SLC26A6: variants seen among roughly 807,000 people sequenced by gnomAD.
SLC26A6 encodes the protein anion exchange transporter.
SLC26A6 carries 67 observed loss-of-function variants against 87.1 expected under a neutral mutation model. The ratio of observed to expected loss-of-function variants is 0.77; its 90% confidence interval spans 0.63 to 0.94. The LOEUF is 0.94. Among genes scored for constraint, SLC26A6 ranks in the 40% least tolerant of loss-of-function variants. The pLI is 0.00. For missense variants in SLC26A6, 902 were observed against 973.0 expected, an observed-to-expected ratio of 0.93 and a Z score of 0.97; for synonymous variants, 414 against 405.9, an observed-to-expected ratio of 1.02 and a Z score of -0.24.
In SLC26A6 at chr3:48,628,979, A is replaced by T. The variant is rs2046704414; in HGVS notation, c.1600-265T>A. 6.6e-6 allele frequency among the ~76,000 whole-genome samples: 1 copy of T among 151,762 alleles called. No homozygotes were observed. The highest frequency in any genetic ancestry group is 1.5e-5 in the Non-Finnish European group (1 of 67,968). On this transcript the variant is annotated intron_variant, in intron 14 of 20. Transcript: ENST00000395550. This position sits in a 1 kb window ranked among gnomAD's most constrained non-coding sequence, Gnocchi z 4.4. ...CTCTTAACCTTTCTCTTGGGTTTCC[A>T]ACCCCTGCCTTGTGTTCTGTTTTCT...
In SLC26A6 at chr3:48,635,297, G is replaced by T. The variant is rs969726655; in HGVS notation, c.23+74C>A. 5.3e-6 allele frequency: 8 copies of T among 1,515,636 alleles called. No individual in the cohort carries two copies. In the African/African-American group the frequency reaches 9.7e-5, roughly 18 times the overall value. The allele number at this position is 1,515,636 out of a possible 1,614,324, so 93.9% of individuals were successfully genotyped here. ...AAGCGGAGAATGCCTGCTCCAGCGA[G>T]GCGTCGCAAGCGGAGAATGCCTGCT... On this transcript the variant is annotated intron_variant, in intron 1 of 20. Transcript: ENST00000395550.
At position 48,626,639 on chromosome 3, in the gene SLC26A6, G is replaced by T. The variant is rs755534990; in HGVS notation, c.2120C>A (p.Ala707Asp). 30 of 1,613,994 alleles carry T rather than the reference G, an allele frequency of 1.9e-5. No individual in the cohort carries two copies. Among genetic ancestry groups the T allele is most frequent in the Non-Finnish European group, 2.5e-5 (29 of 1,180,034 alleles). Residue 707 changes from alanine (A) to aspartate (D), a missense_variant, in exon 19 of 21, where the codon GCC becomes GAC. This residue lies in a region of SLC26A6 where 99 missense variants were observed against 100.1 expected (regional missense o/e 0.99). Transcript: ENST00000395550. The part of the protein sequence containing the change: ...REIEVEVYMA[A>D]CHSPVVSQLE... ...GTTCCCACCCTACTCACTGTGGCAG[G>T]CCGCCATGTACACCTCCACCTCAAT...
Position 48,628,300 on chromosome 3 carries a change from G to C in SLC26A6, c.1800+134C>G. 1 of 1,224,144 alleles carries C rather than the reference G, an allele frequency of 8.2e-7. No homozygotes were observed. Among genetic ancestry groups the C allele is most frequent in the South Asian group, 1.4e-5 (1 of 69,966 alleles). 75.8% of individuals were successfully genotyped at this position (1,224,144 alleles called of 1,614,324 possible). Reference sequence around the variant, plus strand: ...CGGACCTGCTAGGGGAGTGAAGCAGGGTCCCTGGGAGCATGAGGGAGAAAG... The same window carrying C: ...CGGACCTGCTAGGGGAGTGAAGCAGCGTCCCTGGGAGCATGAGGGAGAAAG... On this transcript the variant is annotated intron_variant, in intron 16 of 20. Coordinates refer to ENST00000395550, the MANE Select transcript of SLC26A6 (RefSeq NM_022911.3). The surrounding 1 kb of genome is among the most constrained non-coding windows in gnomAD (Gnocchi z 4.4).
At position 48,628,061 on chromosome 3, in the gene SLC26A6, T is replaced by A; in HGVS notation, c.1801-23A>T. 1 of 1,547,136 alleles carries A rather than the reference T, an allele frequency of 6.5e-7. No homozygotes were observed. The highest frequency in any genetic ancestry group is 8.7e-7 in the Non-Finnish European group (1 of 1,150,684). ...AGCCTACACCAGGGAAGACAGGGAATGGGAAACAGCTAGCCCGGCTGCCAT... is the reference window on the plus strand; with the variant it reads ...AGCCTACACCAGGGAAGACAGGGAAAGGGAAACAGCTAGCCCGGCTGCCAT... On this transcript the variant is annotated intron_variant, in intron 16 of 20. Transcript: ENST00000395550. The surrounding 1 kb of genome is among the most constrained non-coding windows in gnomAD (Gnocchi z 4.4).
intron 1 of SLC26A6, among the ~76,000 whole-genome samples, chr3:48,634,979 C>A (rs1246776251): frequency 6.6e-6 from 1 of 152,242 alleles, no homozygotes; most frequent in African/African-American, 2.4e-5. Context: ...AAGGCCGGAG[C>A]GCTCACTCCG....
At chr3:48,632,463 TAAGA>T in intron 4 of SLC26A6, 67 bp from the exon 5 acceptor site, 4 of 1,558,438 alleles carry the variant, frequency 2.6e-6, no homozygotes, top group Non-Finnish European at 3.5e-6. Flanking sequence ...GCCCTGGTCT[TAAGA>T]GAGAGGCCAG....
At position 48,633,486 on chromosome 3, in the gene SLC26A6, G is replaced by T; in HGVS notation, c.173C>A (p.Thr58Asn). ...GSAPRTHQWR[T>N]WLQCSRARAY... ...CCAATCTTGGCCTTACTGCAACCAG[G>T]TCCGCCACTGGTGGGTCCTAGGTGC... Residue 58 changes from threonine (T) to asparagine (N), a missense_variant, in exon 2 of 21, where the codon ACC becomes AAC. Transcript: ENST00000395550. 6.2e-7 allele frequency: 1 copy of T among 1,613,092 alleles called. No individual in the cohort carries two copies. The highest frequency in any genetic ancestry group is 8.5e-7 in the Non-Finnish European group (1 of 1,179,954).
In SLC26A6 at chr3:48,630,077, G is replaced by A. The variant is rs1482329189; in HGVS notation, c.1407C>T (p.Ala469=). Residue 469 remains alanine, a synonymous_variant, in exon 12 of 21, where the codon GCC becomes GCT. Transcript: ENST00000395550. ...GTGCACTCACCAGATCCGCCCGATT[G>A]GCCTTCCAGAGGGAGCGCATGTCGC... ...QLSDMRSLWK[A]NRADLLIWLV... 6.2e-7 allele frequency: 1 copy of A among 1,612,302 alleles called. No individual in the cohort carries two copies. The highest frequency in any genetic ancestry group is 1.3e-5 in the African/African-American group (1 of 75,036).
chr3:48,628,161 G>A lies in SLC26A6; in HGVS notation c.1801-123C>T. On this transcript the variant is annotated intron_variant, in intron 16 of 20. Coordinates refer to ENST00000395550, the MANE Select transcript of SLC26A6 (RefSeq NM_022911.3). This position sits in a 1 kb window ranked among gnomAD's most constrained non-coding sequence, Gnocchi z 4.4. ...GGGTGGGCCAGGACCAGAAGCTGTG[G>A]GACCTGCAGCAGCCAGGCTGAAGCT... 4.3e-6 allele frequency: 4 copies of A among 936,900 alleles called. No homozygotes were observed. The highest frequency in any genetic ancestry group is 6.4e-6 in the Non-Finnish European group (4 of 625,154). 58.0% of individuals were successfully genotyped at this position (936,900 alleles called of 1,614,324 possible).
intron 14 of SLC26A6, among the ~76,000 whole-genome samples, chr3:48,629,363 G>A (rs929880812): frequency 1.3e-5 from 2 of 152,120 alleles, no homozygotes; most frequent in Admixed American, 6.5e-5. Context: ...CTGCCATTCC[G>A]GCTCTCTGAC....
chr3:48,627,663 A>C, intron 17 of SLC26A6: 1 of 306,466 alleles, frequency 3.3e-6, no homozygotes, highest in Non-Finnish European at 6.0e-6. Flanking sequence ...TTTCTCCCAT[A>C]TACCCCATCC....
Position 48,628,685 on chromosome 3 carries a change from G to A in SLC26A6, c.1629C>T (p.Phe543=), listed in dbSNP as rs752303223. Residue 543 remains phenylalanine, a synonymous_variant, in exon 15 of 21, where the codon TTC becomes TTT. Transcript: ENST00000395550. This position sits in a 1 kb window ranked among gnomAD's most constrained non-coding sequence, Gnocchi z 4.4. ...EAKEVRGVKV[F]RSSATVYFAN... ...CAAAGTACACGGTGGCCGAGGAGCGGAAGACCTTCACCCCCCGGACTTCCT... is the reference window on the plus strand; with the variant it reads ...CAAAGTACACGGTGGCCGAGGAGCGAAAGACCTTCACCCCCCGGACTTCCT... 1 of 1,613,480 alleles carries A rather than the reference G, an allele frequency of 6.2e-7. No individual in the cohort carries two copies. Among genetic ancestry groups the A allele is most frequent in the East Asian group, 2.2e-5 (1 of 44,876 alleles).
chr3:48,632,227 C>A lies in SLC26A6; in HGVS notation c.585+18G>T. 1 of 1,582,752 alleles carries A rather than the reference C, an allele frequency of 6.3e-7. No homozygotes were observed. The highest frequency in any genetic ancestry group is 8.6e-7 in the Non-Finnish European group (1 of 1,163,726). ...CAGAAGTGGTGGTGGGGGGCACATA[C>A]TCCTGACTGTTCCACACCTGGAAGA... On this transcript the variant is annotated intron_variant, in intron 5 of 20. Coordinates refer to ENST00000395550, the MANE Select transcript of SLC26A6 (RefSeq NM_022911.3).
intron 4 of SLC26A6, 76 bp downstream of exon 4, chr3:48,632,898 G>A: frequency 7.0e-7 from 1 of 1,420,036 alleles, no homozygotes; most frequent in East Asian, 2.3e-5. Context: ...CTCCTGCCCT[G>A]CTCAGTGCCC....
rs141959192 is a variant in SLC26A6 at position 48,625,911 on chromosome 3, C to T, written c.*75G>A. 25,586 of 1,596,128 alleles carry T rather than the reference C, an allele frequency of 0.016. 265 individuals are homozygous for T. The highest frequency in any genetic ancestry group is 0.018 in the Non-Finnish European group (20,812 of 1,167,696). On this transcript the variant is annotated 3_prime_UTR_variant, in exon 21 of 21. Coordinates refer to ENST00000395550, the MANE Select transcript of SLC26A6 (RefSeq NM_022911.3). The surrounding 1 kb of genome is among the most constrained non-coding windows in gnomAD (Gnocchi z 4.7). The stretch of plus-strand genomic sequence containing the variant: ...GGGACTCCTGGGTAGCACCTGGAGG[C>T]GGCCTAGGGGTGAGGGGCTTCTCAA...
chr3:48,631,127 C>G lies in SLC26A6; in HGVS notation c.1000G>C (p.Val334Leu). 2 of 1,613,674 alleles carry G rather than the reference C, an allele frequency of 1.2e-6. No homozygotes were observed. Among genetic ancestry groups the G allele is most frequent in the South Asian group, 2.2e-5 (2 of 91,084 alleles). Residue 334 changes from valine to leucine, a missense_variant, in exon 9 of 21, where the codon GTG (valine) becomes CTG (leucine). Around this residue, in one of 3 missense-constraint regions of SLC26A6, gnomAD observed 800 missense variants for 856.8 expected, o/e 0.93. Transcript: ENST00000395550. ...GAGAACAGCTGGGTGTTGGGGGCCA[C>G]TGGGGGCACCAGCCTGTGAGAGGTA... ...GNIPAGLVPP[V>L]APNTQLFSKL...
rs377394387 is a variant in SLC26A6 at position 48,630,796 on chromosome 3, G to A, written c.1135-76C>T. On this transcript the variant is annotated intron_variant, in intron 9 of 20. Transcript: ENST00000395550. ...ACTGTTCCACTGTATCTAGGCCTGTGCATCCCCAATCTCCATCCCCACCAA... is the reference window on the plus strand; with the variant it reads ...ACTGTTCCACTGTATCTAGGCCTGTACATCCCCAATCTCCATCCCCACCAA... 34 of 1,512,422 alleles carry A rather than the reference G, an allele frequency of 2.2e-5. No homozygotes were observed. In the African/African-American group the frequency reaches 3.3e-4, roughly 15 times the overall value. The allele number at this position is 1,512,422 out of a possible 1,614,324, so 93.7% of individuals were successfully genotyped here. A position where few individuals can be genotyped will look rare whatever the true frequency, so the allele number is the denominator to read the frequency against.
chr3:48,626,005 G>C lies in SLC26A6; in HGVS notation c.2266-5C>G. The C allele has an allele frequency of 6.2e-7, 1 of 1,613,858 alleles. No individual in the cohort carries two copies. Among genetic ancestry groups the C allele is most frequent in the Non-Finnish European group, 8.5e-7 (1 of 1,179,914 alleles). On this transcript the variant is annotated splice_region_variant and splice_polypyrimidine_tract_variant and intron_variant, in intron 20 of 20. Coordinates refer to ENST00000395550, the MANE Select transcript of SLC26A6 (RefSeq NM_022911.3). ...GCATGTTCAGAGTCTGGTGACCTGA[G>C]CAGGCAGAGGAGGGGAGGCTCTAGT...
intron 4 of SLC26A6, 135 bp downstream of exon 4, chr3:48,632,839 G>A (rs528247655): frequency 2.5e-5 from 22 of 883,786 alleles, no homozygotes; most frequent in East Asian, 1.6e-4. Context: ...GGGATGACTC[G>A]TGGGCTAGCC....
Sources: allele counts gnomAD v4.1 joint callset (sites outside exome capture counted in the v4.1 genomes callset), GRCh38; gene constraint gnomAD v4.1.1; regional missense constraint gnomAD v4.1.1; non-coding constraint Gnocchi (gnomAD v3.1); transcripts MANE v1.5; gene names NCBI Gene and HGNC (gene_info 2026-07-23, HGNC 2026-07-21).